Variants in CSGALNACT1 observed in about 807,000 individuals in gnomAD.
CSGALNACT1 encodes the protein beta4GalNAcT-1.
In CSGALNACT1, 52 loss-of-function variants were observed where a neutral mutation model predicts 51.0. That is an observed-to-expected ratio of 1.02 (90% CI 0.82 to 1.29). CSGALNACT1 has a LOEUF of 1.29. Among genes scored for constraint, CSGALNACT1 ranks in the 50% most tolerant of loss-of-function variants. The pLI, the probability that CSGALNACT1 is intolerant of heterozygous loss-of-function variation, is 0.00. For synonymous variants in CSGALNACT1, 341 were observed against 254.4 expected (o/e 1.34, Z -3.24); for missense variants, 935 against 679.2 (o/e 1.38, Z -4.19).
chr8:19,566,856 T>C (rs1416306201), intron 3 of CSGALNACT1, among the ~76,000 whole-genome samples: 2 of 152,038 alleles, frequency 1.3e-5, no homozygotes, highest in Admixed American at 6.5e-5. Context: ...CCTTGATGAG[T>C]ACTTACAGCC....
chr8:19,428,334 CA>C (rs1226091425), intron 6 of CSGALNACT1, among the ~76,000 whole-genome samples: 5 of 152,110 alleles, frequency 3.3e-5, no homozygotes, highest in African/African-American at 1.2e-4. Context: ...GCCTCACATT[CA>C]TGGCGGAAGG....
intron 1 of CSGALNACT1, among the ~76,000 whole-genome samples, chr8:19,622,733 G>C (rs537747630): frequency 6.6e-6 from 1 of 151,974 alleles, no homozygotes; most frequent in Non-Finnish European, 1.5e-5. Context: ...AAAATAATGT[G>C]TAATTAATAA....
intron 3 of CSGALNACT1, among the ~76,000 whole-genome samples, chr8:19,572,632 C>T (rs1042708333): frequency 1.3e-5 from 2 of 152,268 alleles, no homozygotes; most frequent in Admixed American, 1.3e-4. Flanking sequence ...TTCTATCTAC[C>T]CACCTGCAAA....
intron 1 of CSGALNACT1, among the ~76,000 whole-genome samples, chr8:19,649,208 T>C (rs967505233): frequency 2.6e-5 from 4 of 152,202 alleles, no homozygotes; most frequent in African/African-American, 4.8e-5. Context: ...GTTTAGTCAC[T>C]TGCCCAGGAT....
intron 1 of CSGALNACT1, among the ~76,000 whole-genome samples, chr8:19,713,192 G>A (rs187559995): frequency 8.1e-4 from 123 of 152,252 alleles, no homozygotes; most frequent in African/African-American, 2.3e-3. Context: ...CAGAGCAGCT[G>A]AATCATTTCC....
intron 1 of CSGALNACT1, among the ~76,000 whole-genome samples, chr8:19,741,461 G>T (rs931654887): frequency 6.6e-6 from 1 of 151,220 alleles, no homozygotes; most frequent in Non-Finnish European, 1.5e-5. Flanking sequence ...TACTCTGGAG[G>T]CTGAGTCAGA....
intron 5 of CSGALNACT1, among the ~76,000 whole-genome samples, chr8:19,445,902 T>C (rs1329982897): frequency 1.3e-5 from 2 of 152,138 alleles, no homozygotes; most frequent in African/African-American, 4.8e-5. Flanking sequence ...AAGCTGGGCG[T>C]GGTGGCTCAT....
intron 1 of CSGALNACT1, among the ~76,000 whole-genome samples, chr8:19,738,086 C>T (rs147511332): frequency 2.9e-4 from 44 of 152,206 alleles, no homozygotes; most frequent in African/African-American, 1.0e-3. Flanking sequence ...AGTAGCCAGG[C>T]GCCATGGTTT....
At chr8:19,536,602 T>C (rs1024861373) in intron 3 of CSGALNACT1, among the ~76,000 whole-genome samples, 7 of 152,200 alleles carry the variant, frequency 4.6e-5, no homozygotes, top group Non-Finnish European at 1.0e-4. Flanking sequence ...CAAATTGATA[T>C]ATAAATTTAA....
At chr8:19,473,731 G>T (rs1247006799) in intron 4 of CSGALNACT1, among the ~76,000 whole-genome samples, 1 of 152,170 alleles carries the variant, frequency 6.6e-6, no homozygotes, top group East Asian at 1.9e-4. Flanking sequence ...TAATTAATTA[G>T]TGGTGGAAAT....
intron 1 of CSGALNACT1, among the ~76,000 whole-genome samples, chr8:19,710,946 G>T (rs758479038): frequency 1.1e-4 from 16 of 151,582 alleles, no homozygotes; most frequent in South Asian, 4.2e-4. Context: ...CAAAAGTACT[G>T]CCTGAAAGAA....
At chr8:19,420,550 A>T (rs1316938941) in intron 6 of CSGALNACT1, 32 bp from the exon 6 acceptor site, 1 of 1,607,224 alleles carries the variant, frequency 6.2e-7, no homozygotes, top group Non-Finnish European at 8.5e-7. Flanking sequence ...TGTCACTCAC[A>T]TTCCCACATG....
chr8:19,475,798 A>G (rs955981120), intron 4 of CSGALNACT1, among the ~76,000 whole-genome samples: 8 of 152,218 alleles, frequency 5.3e-5, no homozygotes, highest in African/African-American at 1.9e-4. Flanking sequence ...TCATAGAGTG[A>G]CAGCTCAGAT....
At chr8:19,532,038 C>G (rs541177489) in intron 3 of CSGALNACT1, 1 of 152,196 alleles carries the variant, frequency 6.6e-6, no homozygotes, top group Admixed American at 6.5e-5. Context: ...GGAAAATAGT[C>G]CTGACATCAT....
intron 1 of CSGALNACT1, among the ~76,000 whole-genome samples, chr8:19,614,549 C>A (rs2052729681): frequency 6.6e-6 from 1 of 152,138 alleles, no homozygotes; most frequent in South Asian, 2.1e-4. Flanking sequence ...ATGTTATACT[C>A]TTCTATAACC....
At chr8:19,656,201 G>C (rs1382119374) in intron 1 of CSGALNACT1, among the ~76,000 whole-genome samples, 1 of 152,154 alleles carries the variant, frequency 6.6e-6, no homozygotes, top group Non-Finnish European at 1.5e-5. Flanking sequence ...TCTGCACAAT[G>C]TTACATCAAC....
intron 1 of CSGALNACT1, among the ~76,000 whole-genome samples, chr8:19,653,897 A>C (rs1035766261): frequency 6.6e-6 from 1 of 152,118 alleles, no homozygotes; most frequent in African/African-American, 2.4e-5. Context: ...TAGTTATCAT[A>C]AAGTATAGGA....
chr8:19,452,934 G>C (rs2153806165), intron 5 of CSGALNACT1, among the ~76,000 whole-genome samples: 1 of 152,266 alleles, frequency 6.6e-6, no homozygotes, highest in South Asian at 2.1e-4. Context: ...AAACTAAACA[G>C]AGAAATACCC....
At chr8:19,577,523 C>T (rs4922064) in intron 3 of CSGALNACT1, among the ~76,000 whole-genome samples, 82,483 of 150,754 alleles carry the variant, frequency 0.55, 24,078 homozygotes, top group East Asian at 0.96. Flanking sequence ...ATTGCATTAC[C>T]GCACTCCAGC....
Sources: allele counts gnomAD v4.1 joint callset (sites outside exome capture counted in the v4.1 genomes callset), GRCh38; gene constraint gnomAD v4.1.1; transcripts MANE v1.5; gene names NCBI Gene and HGNC (gene_info 2026-07-23, HGNC 2026-07-21).